Variants in PLPP3 observed in about 807,000 individuals in gnomAD.
PLPP3 encodes PAP2 beta.
Under a neutral mutation model 29.6 loss-of-function variants are expected in PLPP3, and 6 were observed. The ratio of observed to expected loss-of-function variants is 0.20; its 90% CI spans 0.11 to 0.40. The LOEUF is 0.40. PLPP3 is among the 10% of genes least tolerant of loss of function. The probability of loss-of-function intolerance (pLI) is 1.00; values close to 1 mark genes in which losing one functional copy is unlikely to be tolerated. For missense variants in PLPP3, 308 were observed against 407.7 expected (o/e 0.76, Z 2.11); for synonymous variants, 152 against 159.7 (o/e 0.95, Z 0.36).
intron 1 of PLPP3, among the ~76,000 whole-genome samples, chr1:56,576,158 T>G (rs1204364955): frequency 6.6e-6 from 1 of 152,188 alleles, no homozygotes. Context: ...TACTTGCATA[T>G]TTCCACTTAC....
At chr1:56,504,945 T>C (rs1645692745) in intron 5 of PLPP3, among the ~76,000 whole-genome samples, 7 of 152,192 alleles carry the variant, frequency 4.6e-5, no homozygotes, top group Admixed American at 4.6e-4. Flanking sequence ...AACTAGGTGG[T>C]TACCACCAGC....
At chr1:56,511,524 G>A (rs569136694) in intron 5 of PLPP3, among the ~76,000 whole-genome samples, 7 of 152,212 alleles carry the variant, frequency 4.6e-5, no homozygotes, top group South Asian at 2.1e-4. Context: ...GTCCCATTGC[G>A]TACTGTGTCC....
At chr1:56,557,027 AGAGAGAGAGAGAGAGAGAG>A (rs1646085596) in intron 1 of PLPP3, among the ~76,000 whole-genome samples, 1 of 12,362 alleles carries the variant, frequency 8.1e-5, no homozygotes, top group African/African-American at 2.2e-4. Context: ...AGAGAGAGAA[AGAGAGAGAGAGAGAGAGAG>A]AGAGAGAGAG....
intron 1 of PLPP3, among the ~76,000 whole-genome samples, chr1:56,556,101 T>A (rs1228735178): frequency 6.6e-6 from 1 of 152,156 alleles, no homozygotes; most frequent in Admixed American, 6.5e-5. Context: ...CACACATAAT[T>A]TGAGGGGTAG....
intron 5 of PLPP3, among the ~76,000 whole-genome samples, chr1:56,497,802 AAT>A (rs952215263): frequency 2.6e-5 from 4 of 152,160 alleles, no homozygotes; most frequent in Non-Finnish European, 5.9e-5. Flanking sequence ...TAGGGACTTG[AAT>A]TATTTGTTAA....
chr1:56,504,062 AC>A (rs1386061941), intron 5 of PLPP3, among the ~76,000 whole-genome samples: 3 of 152,188 alleles, frequency 2.0e-5, no homozygotes, highest in Non-Finnish European at 4.4e-5. Flanking sequence ...GTAAGCCACT[AC>A]GCACCCAGCC....
rs1201328003 is a variant in PLPP3 at position 56,524,741 on chromosome 1, G to A, written c.298-187C>T. On this transcript the variant is annotated intron_variant, in intron 2 of 5. Transcript: ENST00000371250. This position sits in a 1 kb window ranked among gnomAD's most constrained non-coding sequence, Gnocchi z 4.3. ...AAGATCAAAGCGCTAATATAGTTGG[G>A]TGTTTTAAGCCCCTTTGTAACAACA... Among the ~76,000 whole-genome samples, 2 of 151,882 alleles carry A rather than the reference G, an allele frequency of 1.3e-5. No homozygotes were observed. Among genetic ancestry groups the A allele is most frequent in the East Asian group, 3.9e-4 (2 of 5,188 alleles).
At chr1:56,576,903 TTG>T (rs1646240428) in intron 1 of PLPP3, among the ~76,000 whole-genome samples, 1 of 152,114 alleles carries the variant, frequency 6.6e-6, no homozygotes, top group Non-Finnish European at 1.5e-5. Context: ...CAGCTGATGG[TTG>T]TGTCTTTTTG....
chr1:56,578,742 T>TCCCCAGGAAGGCTGCGGGGGC (rs1646255002), intron 1 of PLPP3, 136 bp downstream of exon 1: 2 of 972,120 alleles, frequency 2.1e-6, no homozygotes, highest in African/African-American at 3.5e-5. Context: ...GCGCAAAGGC[T>TCCCCAGGAAGGCTGCGGGGGC]CCCCAGGAAG....
intron 4 of PLPP3, among the ~76,000 whole-genome samples, chr1:56,516,013 G>A (rs1645778321): frequency 6.6e-6 from 1 of 152,138 alleles, no homozygotes; most frequent in Admixed American, 6.5e-5. Flanking sequence ...CTGCCCTGGT[G>A]AATGACATTT....
At chr1:56,531,096 G>A (rs953017688) in intron 2 of PLPP3, among the ~76,000 whole-genome samples, 1 of 152,176 alleles carries the variant, frequency 6.6e-6, no homozygotes, top group African/African-American at 2.4e-5. Context: ...CAGGGTTGTG[G>A]TGAAAATTAT....
chr1:56,500,403 A>C (rs557222371), intron 5 of PLPP3, among the ~76,000 whole-genome samples: 19 of 152,316 alleles, frequency 1.2e-4, no homozygotes, highest in African/African-American at 4.6e-4. Flanking sequence ...GGCTTCTCCT[A>C]AAGGTTGTCT....
At chr1:56,498,027 A>G (rs1172478118) in intron 5 of PLPP3, among the ~76,000 whole-genome samples, 1 of 152,096 alleles carries the variant, frequency 6.6e-6, no homozygotes, top group East Asian at 1.9e-4. Context: ...CAAAACATAT[A>G]ATAAGTATTA....
chr1:56,496,641 C>T lies in PLPP3; in HGVS notation c.846G>A (p.Thr282=), dbSNP rs767342556. ...TAGCAGGGGCAGGCAGGGAGAGCGTCGTCTTAGTCTTGAAGAGGTCAGACA... is the reference window on the plus strand; with the variant it reads ...TAGCAGGGGCAGGCAGGGAGAGCGTTGTCTTAGTCTTGAAGAGGTCAGACA... ...FFVSDLFKTK[T]TLSLPAPAIR... is the part of the protein sequence containing the mutation. Residue 282 remains threonine (T), a synonymous_variant, in exon 6 of 6, where the codon ACG becomes ACA. Transcript: ENST00000371250. 3.1e-6 allele frequency: 5 copies of T among 1,613,774 alleles called. No homozygotes were observed. The highest frequency in any genetic ancestry group is 1.1e-5 in the South Asian group (1 of 91,062).
intron 5 of PLPP3, 42 bp from the exon 6 acceptor site, chr1:56,496,718 G>C (rs781597987): frequency 1.2e-6 from 2 of 1,608,142 alleles, no homozygotes; most frequent in South Asian, 2.2e-5. Context: ...AACTGACATC[G>C]GGGGTCTGGG....
chr1:56,515,457 C>T (rs1410574681), intron 4 of PLPP3, among the ~76,000 whole-genome samples: 1 of 152,114 alleles, frequency 6.6e-6, no homozygotes, highest in Non-Finnish European at 1.5e-5. Context: ...ATCTCCCCTT[C>T]CCCTGATTCA....
intron 1 of PLPP3, among the ~76,000 whole-genome samples, chr1:56,557,793 A>C (rs1425180105): frequency 1.3e-5 from 2 of 152,154 alleles, no homozygotes; most frequent in African/African-American, 4.8e-5. Context: ...TTGAAATCTA[A>C]ACCCTCACTG....
intron 4 of PLPP3, among the ~76,000 whole-genome samples, chr1:56,517,952 G>C (rs893537472): frequency 6.6e-6 from 1 of 152,184 alleles, no homozygotes; most frequent in Non-Finnish European, 1.5e-5. Flanking sequence ...CATAGCAGAG[G>C]TGAGGGCCAC....
chr1:56,525,874 CA>C (rs1401605565), intron 2 of PLPP3, among the ~76,000 whole-genome samples: 1 of 152,084 alleles, frequency 6.6e-6, no homozygotes, highest in Admixed American at 6.5e-5. Flanking sequence ...AGGAAAGCAT[CA>C]AGGCATGAGG....
Sources: gnomAD v4.1 joint callset for allele counts (sites outside exome capture counted in the v4.1 genomes callset) on GRCh38, gnomAD v4.1.1 for gene constraint, Gnocchi (gnomAD v3.1) non-coding constraint, MANE v1.5 for transcripts, NCBI Gene and HGNC (gene_info 2026-07-23, HGNC 2026-07-21) for gene names.